CARS1: variants seen among roughly 807,000 people sequenced by gnomAD.
CARS1 encodes cysteine--tRNA ligase, cytoplasmic.
In CARS1, 48 loss-of-function variants were observed where a neutral mutation model predicts 106.2. The observed-to-expected ratio is 0.45, with a 90% CI of 0.36 to 0.57. The LOEUF is 0.57. CARS1 is among the 20% of genes least tolerant of loss of function. The probability of loss-of-function intolerance (pLI) is 0.00; values close to 1 mark genes in which losing one functional copy is unlikely to be tolerated. For synonymous variants in CARS1, 409 were observed against 403.4 expected, an observed-to-expected ratio of 1.01 and a Z score of -0.17; for missense variants, 968 against 1,057.2, an observed-to-expected ratio of 0.92 and a Z score of 1.17.
At chr11:3,012,354 G>T in intron 17 of CARS1, 78 bp from the exon 18 acceptor site, 1 of 1,250,906 alleles carries the variant, frequency 8.0e-7, no homozygotes, top group Non-Finnish European at 1.2e-6. Context: ...CTCAGTGGCC[G>T]CGACACAGGG....
At chr11:3,047,276 CAA>C (rs59525343) in intron 2 of CARS1, among the ~76,000 whole-genome samples, 69 of 84,480 alleles carry the variant, frequency 8.2e-4, no homozygotes, top group East Asian at 1.6e-3. Context: ...GACTCCATCT[CAA>C]AAAAAAAAAA....
intron 17 of CARS1, among the ~76,000 whole-genome samples, chr11:3,013,394 C>G (rs971192990): frequency 5.3e-5 from 8 of 152,136 alleles, no homozygotes; most frequent in Non-Finnish European, 8.8e-5. Context: ...TCAGGTGATT[C>G]ACCCACCTCA....
chr11:3,049,351 T>C (rs1399520451), intron 1 of CARS1, among the ~76,000 whole-genome samples: 1 of 152,130 alleles, frequency 6.6e-6, no homozygotes, highest in Non-Finnish European at 1.5e-5. Context: ...TCCCCTACTG[T>C]CAGGAATTAG....
Position 3,035,817 on chromosome 11 carries a change from G to A in CARS1, c.801+2233C>T, listed in dbSNP as rs931132495. ...ACATTTCTGATATGGCTACTATGAA[G>A]ATAAAAGTGAGCCTAGAAGGTCTGT... On this transcript the variant is annotated intron_variant, in intron 7 of 22. Transcript: ENST00000380525. Among the ~76,000 whole-genome samples the A allele has an allele frequency of 2.0e-5, 3 of 152,302 alleles. No individual in the cohort carries two copies. In the South Asian group the frequency reaches 6.2e-4, roughly 32 times the overall value.
intron 1 of CARS1, chr11:3,054,732 G>A: frequency 3.2e-6 from 2 of 615,950 alleles, no homozygotes; most frequent in East Asian, 2.7e-5. Context: ...CTTCCTCAAA[G>A]GGGTTCCCCC....
Position 3,019,167 on chromosome 11 carries a change from TG to T in CARS1, c.1366del (p.His456ThrfsTer28). On this transcript the variant is annotated frameshift_variant, in exon 12 of 23. Transcript: ENST00000380525. LOFTEE classifies it high-confidence loss of function. This position sits in a 1 kb window ranked among gnomAD's most constrained non-coding sequence, Gnocchi z 6.2. ...HGGGFDLRFP[H>X]HDNELAQSEA... ...CGACTGTGCCAGCTCATTGTCATGG[TG>T]GGGGAACCGGAGGTCGAACCCACCT... is the stretch of plus-strand genomic sequence containing the variant. 1 of 1,525,084 alleles carries T rather than the reference TG, an allele frequency of 6.6e-7. No individual in the cohort carries two copies. The highest frequency in any genetic ancestry group is 8.8e-7 in the Non-Finnish European group (1 of 1,140,192). 94.5% of individuals were successfully genotyped at this position (1,525,084 alleles called of 1,614,324 possible). A position where few individuals can be genotyped will look rare whatever the true frequency, so the allele number is the denominator to read the frequency against.
chr11:3,022,919 T>C lies in CARS1; in HGVS notation c.1154-2587A>G, dbSNP rs951182459. On this transcript the variant is annotated intron_variant, in intron 10 of 22. Coordinates refer to ENST00000380525, the MANE Select transcript of CARS1 (RefSeq NM_001014437.3). The surrounding 1 kb of genome is among the most constrained non-coding windows in gnomAD (Gnocchi z 4.9). ...TGCACAGAGCTAAGGCTACACTCCTTATGACTCCCCATGGTGGGGGGAGGT... is the reference window on the plus strand; with the variant it reads ...TGCACAGAGCTAAGGCTACACTCCTCATGACTCCCCATGGTGGGGGGAGGT... Among the ~76,000 whole-genome samples, 3 of 152,132 alleles carry C rather than the reference T, an allele frequency of 2.0e-5. No homozygotes were observed. Among genetic ancestry groups the C allele is most frequent in the African/African-American group, 7.2e-5 (3 of 41,420 alleles).
chr11:3,032,064 T>C (rs487306), intron 7 of CARS1, among the ~76,000 whole-genome samples: 530 of 5,076 alleles, frequency 0.1, 8 homozygotes, highest in Middle Eastern at 0.17. Flanking sequence ...CCCTCCCTCC[T>C]TCCTTCCTTC....
At chr11:3,002,250 C>T in intron 21 of CARS1, 197 bp from the exon 22 acceptor site, 1 of 653,142 alleles carries the variant, frequency 1.5e-6, no homozygotes, top group South Asian at 1.8e-5. Flanking sequence ...GATGTTATTT[C>T]TACAGGAATA....
intron 16 of CARS1, among the ~76,000 whole-genome samples, chr11:3,016,665 T>C (rs946148753): frequency 6.6e-6 from 1 of 152,058 alleles, no homozygotes; most frequent in Non-Finnish European, 1.5e-5. Context: ...TTGCCCAGAG[T>C]GGAGTGCAGT....
chr11:3,043,178 T>C lies in CARS1; in HGVS notation c.275-922A>G, dbSNP rs1046652117. ...GCCGCCTGGGCTGCTCTGAGCACAC[T>C]GCTTCCAGGCCTGGCTTCCAACCTG... On this transcript the variant is annotated intron_variant, in intron 2 of 22. Transcript: ENST00000380525. This position sits in a 1 kb window ranked among gnomAD's most constrained non-coding sequence, Gnocchi z 4.0. 2.6e-5 allele frequency among the ~76,000 whole-genome samples: 4 copies of C among 152,118 alleles called. No individual in the cohort carries two copies. The highest frequency in any genetic ancestry group is 1.9e-4 in the East Asian group (1 of 5,176).
intron 1 of CARS1, chr11:3,054,776 T>G: frequency 1.5e-6 from 1 of 670,916 alleles, no homozygotes; most frequent in Admixed American, 2.2e-5. Flanking sequence ...GCAAAGCATT[T>G]AGAGCAGTGC....
In CARS1 at chr11:3,037,734, C is replaced by G. The variant is rs1295647042; in HGVS notation, c.801+316G>C. ...TCCGCTGGAGAATCTTGGAACACTT[C>G]GACAGAAGGCTGCCTCCCCACGTTC... On this transcript the variant is annotated intron_variant, in intron 7 of 22. Transcript: ENST00000380525. The surrounding 1 kb of genome is among the most constrained non-coding windows in gnomAD (Gnocchi z 5.9). Among the ~76,000 whole-genome samples the G allele has an allele frequency of 6.6e-6, 1 of 152,172 alleles. No individual in the cohort carries two copies. The highest frequency in any genetic ancestry group is 1.5e-5 in the Non-Finnish European group (1 of 68,020).
At position 3,026,589 on chromosome 11, in the gene CARS1, G is replaced by A. The variant is rs1389153023; in HGVS notation, c.1153+87C>T. 33 of 1,441,964 alleles carry A rather than the reference G, an allele frequency of 2.3e-5. 1 individual carries two copies. Among genetic ancestry groups the A allele is most frequent in the Non-Finnish European group, 3.1e-5 (33 of 1,049,978 alleles). 89.3% of individuals were successfully genotyped at this position (1,441,964 alleles called of 1,614,324 possible). A position where few individuals can be genotyped will look rare whatever the true frequency, so the allele number is the denominator to read the frequency against. On this transcript the variant is annotated intron_variant, in intron 10 of 22. Transcript: ENST00000380525. Reference sequence around the variant, plus strand: ...CCCAAGAGTCTGAGGGGTGGGCTCAGCGCAGCCCCCGTGGCCTGCAAAGTC... The same window carrying A: ...CCCAAGAGTCTGAGGGGTGGGCTCAACGCAGCCCCCGTGGCCTGCAAAGTC...
At chr11:3,042,006 T>C (rs748428152) in intron 3 of CARS1, among the ~76,000 whole-genome samples, 159 bp downstream of exon 3, 13 of 152,192 alleles carry the variant, frequency 8.5e-5, no homozygotes, top group Non-Finnish European at 1.5e-4. Flanking sequence ...ACAGAGACTA[T>C]AACATGGAAG....
At position 3,017,460 on chromosome 11, in the gene CARS1, T is replaced by C. The variant is rs775419021; in HGVS notation, c.1728-165A>G. ...GAGTTCGAGACCAGCCTGACAAACA[T>C]GGAGAGACCCCCACCTCTACTAAAA... On this transcript the variant is annotated intron_variant, in intron 15 of 22. Transcript: ENST00000380525. The surrounding 1 kb of genome is among the most constrained non-coding windows in gnomAD (Gnocchi z 4.9). 24 of 608,606 alleles carry C rather than the reference T, an allele frequency of 3.9e-5. No homozygotes were observed. Among genetic ancestry groups the C allele is most frequent in the Non-Finnish European group, 5.5e-5 (19 of 343,964 alleles). The allele number at this position is 608,606 out of a possible 1,614,324, so 37.7% of individuals were successfully genotyped here.
At position 3,047,059 on chromosome 11, in the gene CARS1, C is replaced by T. The variant is rs530138069; in HGVS notation, c.274+694G>A. Among the ~76,000 whole-genome samples the T allele has an allele frequency of 3.3e-5, 5 of 152,196 alleles. No homozygotes were observed. The East Asian group carries it at 5.8e-4, about 18-fold the overall frequency. On this transcript the variant is annotated intron_variant, in intron 2 of 22. Coordinates refer to ENST00000380525, the MANE Select transcript of CARS1 (RefSeq NM_001014437.3). ...TTGGGAGGCCGAGGCGGGTGGATCA[C>T]GAGGTCGGGAGATCGAGACCATCCT... is the stretch of plus-strand genomic sequence containing the variant.
Position 3,039,789 on chromosome 11 carries a change from C to T in CARS1, c.552+46G>A. The T allele has an allele frequency of 1.0e-6, 1 of 972,100 alleles. No homozygotes were observed. Among genetic ancestry groups the T allele is most frequent in the Non-Finnish European group, 1.6e-6 (1 of 636,168 alleles). The allele number at this position is 972,100 out of a possible 1,614,324, so 60.2% of individuals were successfully genotyped here. A position where few individuals can be genotyped will look rare whatever the true frequency, so the allele number is the denominator to read the frequency against. ...TATGCGAAAGTTCTATCTTCTTTTA[C>T]ACCATCCAATTGCATTTAAAATTTA... is the stretch of plus-strand genomic sequence containing the variant. On this transcript the variant is annotated intron_variant, in intron 5 of 22. Transcript: ENST00000380525. The surrounding 1 kb of genome is among the most constrained non-coding windows in gnomAD (Gnocchi z 5.6).
chr11:3,032,751 G>C (rs1248363650), intron 7 of CARS1, among the ~76,000 whole-genome samples: 2 of 151,826 alleles, frequency 1.3e-5, no homozygotes, highest in Non-Finnish European at 2.9e-5. Context: ...GTTGGGGTGG[G>C]GAGGAAGGGA....
Sources: allele counts gnomAD v4.1 joint callset (sites outside exome capture counted in the v4.1 genomes callset), GRCh38; gene constraint gnomAD v4.1.1; non-coding constraint Gnocchi (gnomAD v3.1); transcripts MANE v1.5; gene names NCBI Gene and HGNC (gene_info 2026-07-23, HGNC 2026-07-21).